The following SUGCT variants were observed in gnomAD, a reference collection of about 807,000 sequenced individuals.
SUGCT encodes succinyl-CoA:glutarate-CoA transferase, also known as succinyl-CoA:glutarate CoA-transferase.
Under a neutral mutation model 55.0 loss-of-function variants are expected in SUGCT, and 41 were observed. The observed-to-expected ratio is 0.74, with a 90% CI of 0.58 to 0.97. The LOEUF (loss-of-function observed/expected upper bound fraction) is 0.97. Among genes scored for constraint, SUGCT ranks in the 50% least tolerant of loss-of-function variants. The probability of loss-of-function intolerance (pLI) is 0.00; values close to 1 mark genes in which losing one functional copy is unlikely to be tolerated. For missense variants in SUGCT, 568 were observed against 547.8 expected, an observed-to-expected ratio of 1.04 and a Z score of -0.37; for synonymous variants, 187 against 200.4, an observed-to-expected ratio of 0.93 and a Z score of 0.56.
chr7:40,760,164 T>G (rs533593333), intron 13 of SUGCT, among the ~76,000 whole-genome samples: 1 of 152,196 alleles, frequency 6.6e-6, no homozygotes, highest in Non-Finnish European at 1.5e-5. Flanking sequence ...GCCATGGTGC[T>G]GTGTGGGCAA....
At chr7:40,843,508 C>CAAAATAAAAAAAA (rs1793389631) in intron 13 of SUGCT, among the ~76,000 whole-genome samples, 1 of 127,880 alleles carries the variant, frequency 7.8e-6, no homozygotes, top group African/African-American at 2.8e-5. Context: ...GACTCTGTCT[C>CAAAATAAAAAAAA]AAAAAAAAAA....
chr7:40,226,409 T>A (rs552526880), intron 6 of SUGCT, among the ~76,000 whole-genome samples: 1 of 152,316 alleles, frequency 6.6e-6, no homozygotes, highest in Non-Finnish European at 1.5e-5. Context: ...TGTAAGACTG[T>A]AAAACTTTGG....
At chr7:40,526,520 G>A (rs934016888) in intron 12 of SUGCT, among the ~76,000 whole-genome samples, 1 of 152,156 alleles carries the variant, frequency 6.6e-6, no homozygotes, top group Admixed American at 6.5e-5. Flanking sequence ...TTCTTATTCA[G>A]TTGGTCTTGG....
chr7:40,290,607 T>C (rs547393523), intron 8 of SUGCT, among the ~76,000 whole-genome samples: 1 of 152,318 alleles, frequency 6.6e-6, no homozygotes, highest in African/African-American at 2.4e-5. Context: ...AAGGACTACA[T>C]GTCTAAAACA....
intron 13 of SUGCT, among the ~76,000 whole-genome samples, chr7:40,759,831 T>TTTG (rs528837189): frequency 6.6e-6 from 1 of 152,086 alleles, no homozygotes; most frequent in African/African-American, 2.4e-5. Context: ...CGTGGGTTTT[T>TTTG]TTGTTGTTGT....
the SUGCT span, among the ~76,000 whole-genome samples, chr7:40,902,537 G>A: frequency 7.7e-3 from 1,023 of 132,824 alleles, 15 homozygotes; most frequent in African/African-American, 0.028. Flanking sequence ...CTGAGATCCC[G>A]CCACTGCACT....
At position 40,860,674 on chromosome 7, in the gene SUGCT, G is replaced by A. The variant is rs1794460716; in HGVS notation, c.*195G>A. 4.7e-6 allele frequency: 2 copies of A among 428,304 alleles called. No homozygotes were observed. The highest frequency in any genetic ancestry group is 4.1e-5 in the African/African-American group (2 of 49,344). The allele number at this position is 428,304 out of a possible 1,614,324, so 26.5% of individuals were successfully genotyped here. A position where few individuals can be genotyped will look rare whatever the true frequency, so the allele number is the denominator to read the frequency against. On this transcript the variant is annotated 3_prime_UTR_variant, in exon 14 of 14. Transcript: ENST00000335693. ...GCCTTTTAAATGTATCCCACGTTTT[G>A]TTCCCTACCATCTTTTTTTTCAGAT... is the stretch of plus-strand genomic sequence containing the variant.
intron 12 of SUGCT, among the ~76,000 whole-genome samples, chr7:40,610,367 A>G (rs1021500258): frequency 6.6e-6 from 1 of 152,220 alleles, no homozygotes; most frequent in South Asian, 2.1e-4. Flanking sequence ...CAGGAAGCTT[A>G]AAACAGAATC....
chr7:40,547,623 A>T (rs1795062246), intron 12 of SUGCT, among the ~76,000 whole-genome samples: 1 of 152,186 alleles, frequency 6.6e-6, no homozygotes, highest in African/African-American at 2.4e-5. Flanking sequence ...AAGTAAATGC[A>T]TACTATAAAA....
At chr7:40,934,378 G>T in the SUGCT span, among the ~76,000 whole-genome samples, 1 of 152,210 alleles carries the variant, frequency 6.6e-6, no homozygotes, top group Admixed American at 6.5e-5. Context: ...GTGTCTCCCA[G>T]TTAGGCTACA....
At chr7:40,471,501 A>G (rs899846825) in intron 11 of SUGCT, among the ~76,000 whole-genome samples, 5 of 152,090 alleles carry the variant, frequency 3.3e-5, no homozygotes, top group African/African-American at 9.7e-5. Flanking sequence ...ATGAAATACA[A>G]CATATCTAGG....
In SUGCT at chr7:40,199,091, G is replaced by A. The variant is rs577088217; in HGVS notation, c.484+4031G>A. ...ATTACATCAGTCTAAAGTTGCACAT[G>A]TTGTGATTGAGATCCTAGACTTTCC... On this transcript the variant is annotated intron_variant, in intron 6 of 13. Transcript: ENST00000335693. Among the ~76,000 whole-genome samples, 13 of 151,770 alleles carry A rather than the reference G, an allele frequency of 8.6e-5. No individual in the cohort carries two copies. In the South Asian group the frequency reaches 2.7e-3, roughly 32 times the overall value.
intron 12 of SUGCT, among the ~76,000 whole-genome samples, chr7:40,686,887 T>TG (rs1483422152): frequency 6.6e-6 from 1 of 152,114 alleles, no homozygotes; most frequent in East Asian, 1.9e-4. Context: ...CTCTAGAAGC[T>TG]GGGGGAGGGG....
chr7:40,476,346 A>C (rs1238102265), intron 11 of SUGCT, among the ~76,000 whole-genome samples: 3 of 152,154 alleles, frequency 2.0e-5, no homozygotes, highest in Non-Finnish European at 4.4e-5. Flanking sequence ...GGAGCACCAC[A>C]TACTCTCTAT....
In SUGCT at chr7:40,307,857, A is replaced by C. The variant is rs186141307; in HGVS notation, c.721-8903A>C. Among the ~76,000 whole-genome samples the C allele has an allele frequency of 5.9e-5, 9 of 152,304 alleles. No individual in the cohort carries two copies. In the East Asian group the frequency reaches 1.5e-3, roughly 26 times the overall value. On this transcript the variant is annotated intron_variant, in intron 8 of 13. Coordinates refer to ENST00000335693, the MANE Select transcript of SUGCT (RefSeq NM_001193313.2). ...GTGAGGGAGAAAGTGAAGCAAGTTA[A>C]ATTGCAAGGGGAGTTTGACATGTAA...
rs186471140 is a variant in SUGCT, at chr7:40,154,672, A to C, written c.100+19552A>C. On this transcript the variant is annotated intron_variant, in intron 1 of 13. Transcript: ENST00000335693. ...GCCTGTTTTCTATTTTGCCAAGCGG[A>C]AAGCTACTCTGGCCTAAAGGAAAGG... is the stretch of plus-strand genomic sequence containing the variant. 1.2e-3 allele frequency among the ~76,000 whole-genome samples: 183 copies of C among 152,222 alleles called. 2 individuals carry two copies. The highest frequency in any genetic ancestry group is 4.3e-3 in the African/African-American group (177 of 41,546).
At chr7:40,728,561 G>A (rs1584347846) in intron 12 of SUGCT, among the ~76,000 whole-genome samples, 1 of 152,190 alleles carries the variant, frequency 6.6e-6, no homozygotes, top group East Asian at 1.9e-4. Context: ...ATATGTTATA[G>A]GTAGATGGTA....
At chr7:40,663,789 A>G (rs1451423363) in intron 12 of SUGCT, among the ~76,000 whole-genome samples, 1 of 152,174 alleles carries the variant, frequency 6.6e-6, no homozygotes, top group Non-Finnish European at 1.5e-5. Flanking sequence ...TCCATGGCCC[A>G]GCAGTGTTGG....
chr7:40,346,796 T>G (rs1274939354), intron 9 of SUGCT, among the ~76,000 whole-genome samples: 1 of 152,160 alleles, frequency 6.6e-6, no homozygotes, highest in Non-Finnish European at 1.5e-5. Context: ...GAAGAGACAC[T>G]AGAGAGTTCT....
Sources: gnomAD v4.1 joint callset for allele counts (sites outside exome capture counted in the v4.1 genomes callset) on GRCh38, gnomAD v4.1.1 for gene constraint, MANE v1.5 for transcripts, NCBI Gene and HGNC (gene_info 2026-07-23, HGNC 2026-07-21) for gene names.